LRRTM4: variants seen among roughly 807,000 people sequenced by gnomAD.
LRRTM4 encodes leucine rich repeat transmembrane neuronal 4, also known as leucine-rich repeat transmembrane neuronal protein 4.
In LRRTM4, 25 loss-of-function variants were observed where a neutral mutation model predicts 47.6. That is an observed-to-expected ratio of 0.53 (90% confidence interval 0.38 to 0.73). The LOEUF (loss-of-function observed/expected upper bound fraction) is 0.73, where lower values mean the gene tolerates loss of function less well. Among genes scored for constraint, LRRTM4 ranks in the 30% least tolerant of loss-of-function variants. The probability of loss-of-function intolerance (pLI) is 0.00; values close to 1 mark genes in which losing one functional copy is unlikely to be tolerated. For missense variants in LRRTM4, 638 were observed against 713.4 expected, an observed-to-expected ratio of 0.89 and a Z score of 1.20; for synonymous variants, 311 against 269.5, an observed-to-expected ratio of 1.15 and a Z score of -1.51.
chr2:77,297,104 TG>T (rs544776461), intron 3 of LRRTM4, among the ~76,000 whole-genome samples: 21 of 152,302 alleles, frequency 1.4e-4, no homozygotes, highest in South Asian at 6.2e-4. Flanking sequence ...TTGTTGTTAT[TG>T]TTTTTTTGTT....
At chr2:77,337,186 G>A (rs1671198257) in intron 3 of LRRTM4, among the ~76,000 whole-genome samples, 1 of 151,998 alleles carries the variant, frequency 6.6e-6, no homozygotes, top group East Asian at 1.9e-4. Flanking sequence ...TATCTTCGAA[G>A]ACAATTACAA....
At chr2:77,036,131 T>A (rs911249295) in intron 3 of LRRTM4, among the ~76,000 whole-genome samples, 1 of 151,758 alleles carries the variant, frequency 6.6e-6, no homozygotes, top group East Asian at 1.9e-4. Flanking sequence ...GCAGACATAA[T>A]GTAGACCACA....
intron 3 of LRRTM4, among the ~76,000 whole-genome samples, chr2:77,186,101 A>T (rs1047774418): frequency 6.6e-6 from 1 of 152,138 alleles, no homozygotes; most frequent in African/African-American, 2.4e-5. Flanking sequence ...TTCATCTTTA[A>T]TATCATATCC....
At chr2:76,953,232 C>T (rs1675556355) in intron 3 of LRRTM4, among the ~76,000 whole-genome samples, 1 of 151,694 alleles carries the variant, frequency 6.6e-6, no homozygotes, top group African/African-American at 2.4e-5. Flanking sequence ...TTATGGATGT[C>T]ACCATGATAA....
At chr2:77,316,488 G>A (rs1677621644) in intron 3 of LRRTM4, among the ~76,000 whole-genome samples, 1 of 151,618 alleles carries the variant, frequency 6.6e-6, no homozygotes, top group South Asian at 2.1e-4. Context: ...GCTGGCCAGT[G>A]TTTGGCAAAA....
chr2:77,129,230 T>C (rs1420513159), intron 3 of LRRTM4, among the ~76,000 whole-genome samples: 2 of 152,206 alleles, frequency 1.3e-5, no homozygotes, highest in African/African-American at 2.4e-5. Context: ...TTAGTTTTTT[T>C]CTTTGGTGTA....
At chr2:77,039,787 A>G (rs1371043470) in intron 3 of LRRTM4, among the ~76,000 whole-genome samples, 2 of 151,150 alleles carry the variant, frequency 1.3e-5, no homozygotes, top group Non-Finnish European at 1.5e-5. Flanking sequence ...TTTTCTTTAT[A>G]TAAAACCAAA....
intron 3 of LRRTM4, among the ~76,000 whole-genome samples, chr2:76,930,315 C>T (rs991551487): frequency 6.6e-6 from 1 of 152,136 alleles, no homozygotes; most frequent in African/African-American, 2.4e-5. Context: ...TCATGATGCT[C>T]AGGTGCGTGT....
At chr2:76,925,688 T>G (rs1181521630) in intron 3 of LRRTM4, among the ~76,000 whole-genome samples, 1 of 152,256 alleles carries the variant, frequency 6.6e-6, no homozygotes, top group Admixed American at 6.6e-5. Flanking sequence ...GGTTCCTATC[T>G]TTTCTTAAAT....
intron 3 of LRRTM4, among the ~76,000 whole-genome samples, chr2:76,911,253 G>C (rs954629202): frequency 6.6e-6 from 1 of 152,164 alleles, no homozygotes; most frequent in Admixed American, 6.5e-5. Flanking sequence ...AGCCAGTAGA[G>C]TAAAAAGATG....
rs533061586 is a variant in LRRTM4 at position 76,835,484 on chromosome 2, G to A, written c.1552-86568C>T. Reference sequence around the variant, plus strand: ...TGATTTATTCTTGCATTTAGAGAAAGGAAGAGAACTTTCTGACTAAGAAAT... The same window carrying A: ...TGATTTATTCTTGCATTTAGAGAAAAGAAGAGAACTTTCTGACTAAGAAAT... On this transcript the variant is annotated intron_variant, in intron 3 of 3. Coordinates refer to ENST00000409884, the MANE Select transcript of LRRTM4 (RefSeq NM_001134745.3). Among the ~76,000 whole-genome samples, 17 of 152,148 alleles carry A rather than the reference G, an allele frequency of 1.1e-4. No homozygotes were observed. The South Asian group carries it at 3.3e-3, about 30-fold the overall frequency.
chr2:76,871,465 C>G (rs575121671), intron 3 of LRRTM4, among the ~76,000 whole-genome samples: 1 of 152,246 alleles, frequency 6.6e-6, no homozygotes, highest in South Asian at 2.1e-4. Context: ...CTAGTCAAGA[C>G]CATCACTGGG....
At chr2:77,481,418 C>T (rs956177829) in intron 3 of LRRTM4, among the ~76,000 whole-genome samples, 1 of 152,108 alleles carries the variant, frequency 6.6e-6, no homozygotes, top group Non-Finnish European at 1.5e-5. Context: ...ACATTAGTCT[C>T]CCCTGCTTAT....
intron 3 of LRRTM4, among the ~76,000 whole-genome samples, chr2:76,794,971 G>T (rs1023924355): frequency 2.0e-5 from 3 of 152,092 alleles, no homozygotes; most frequent in Admixed American, 6.5e-5. Context: ...CTTAATCTAA[G>T]GGTGGCTGTA....
intron 3 of LRRTM4, among the ~76,000 whole-genome samples, chr2:76,789,213 C>G (rs1168919537): frequency 6.6e-6 from 1 of 152,184 alleles, no homozygotes; most frequent in Non-Finnish European, 1.5e-5. Flanking sequence ...TTTCTTCACA[C>G]CAAGGCACCT....
In LRRTM4 at chr2:77,094,666, A is replaced by G. The variant is rs1358181189; in HGVS notation, c.1552-345750T>C. Among the ~76,000 whole-genome samples the G allele has an allele frequency of 2.0e-5, 3 of 152,326 alleles. No individual in the cohort carries two copies. In the East Asian group the frequency reaches 5.8e-4, roughly 29 times the overall value. On this transcript the variant is annotated intron_variant, in intron 3 of 3. Coordinates refer to ENST00000409884, the MANE Select transcript of LRRTM4 (RefSeq NM_001134745.3). ...AATTGATTTTTTACAGCATTCTCCCAAACACACATTGGGTCAAGGTTAGTC... is the reference window on the plus strand; with the variant it reads ...AATTGATTTTTTACAGCATTCTCCCGAACACACATTGGGTCAAGGTTAGTC...
In LRRTM4 at chr2:76,748,751, C is replaced by A. The variant is rs1672737310; in HGVS notation, c.1717G>T (p.Ala573Ser). 6.2e-7 allele frequency: 1 copy of A among 1,613,682 alleles called. No homozygotes were observed. Residue 573 changes from alanine to serine, a missense_variant, in exon 4 of 4, where the codon GCC (alanine) becomes TCC (serine). Physicochemically the swap from Ala to Ser is moderately conservative, Grantham distance 99 (BLOSUM62 1). Coordinates refer to ENST00000409884, the MANE Select transcript of LRRTM4 (RefSeq NM_001134745.3). The stretch of plus-strand genomic sequence containing the variant: ...GGTGCTGCCGACCTGGCGATGGTGG[C>A]GATGAAGCTGTGGTCTCGGCCCAGC... The part of the protein sequence containing the change: ...LELGRDHSFI[A>S]TIARSAAPAI...
chr2:77,185,436 TGGCTACAAG>T (rs767871097), intron 3 of LRRTM4, among the ~76,000 whole-genome samples: 43 of 152,132 alleles, frequency 2.8e-4, no homozygotes, highest in Non-Finnish European at 1.2e-4. Context: ...TAGAAGTAAA[TGGCTACAAG>T]GGCGTTTACT....
Position 77,400,262 on chromosome 2 carries a change from T to C in LRRTM4, c.1551+118056A>G, listed in dbSNP as rs776714060. Among the ~76,000 whole-genome samples, 105 of 151,888 alleles carry C rather than the reference T, an allele frequency of 6.9e-4. 1 individual carries two copies. The highest frequency in any genetic ancestry group is 1.4e-3 in the Non-Finnish European group (95 of 67,912). ...TCCTGTTTTTTGCGATTTTTGATTTTTGCTCTATTGCCTACAGCTGAGTAA... is the reference window on the plus strand; with the variant it reads ...TCCTGTTTTTTGCGATTTTTGATTTCTGCTCTATTGCCTACAGCTGAGTAA... On this transcript the variant is annotated intron_variant, in intron 3 of 3. Transcript: ENST00000409884.
Sources: gnomAD v4.1 joint callset for allele counts (sites outside exome capture counted in the v4.1 genomes callset) on GRCh38, gnomAD v4.1.1 for gene constraint, MANE v1.5 for transcripts, NCBI Gene and HGNC (gene_info 2026-07-23, HGNC 2026-07-21) for gene names.